CTNNA2: variants seen among roughly 807,000 people sequenced by gnomAD.
CTNNA2 encodes the protein catenin alpha-2.
CTNNA2 carries 42 observed loss-of-function variants against 101.0 expected under a neutral mutation model. That is an observed-to-expected ratio of 0.42 (90% CI 0.32 to 0.54). CTNNA2 has a LOEUF of 0.54. Ranked by LOEUF, CTNNA2 falls within the 20% of genes least tolerant of loss-of-function variation. The pLI is 0.14. For synonymous variants in CTNNA2, 450 were observed against 456.4 expected, an observed-to-expected ratio of 0.99 and a Z score of 0.18; for missense variants, 871 against 1,223.1, an observed-to-expected ratio of 0.71 and a Z score of 4.29.
In CTNNA2 at chr2:79,947,190, CATTT is replaced by C. The variant is rs544179375; in HGVS notation, c.1056+37397_1056+37400del. On this transcript the variant is annotated intron_variant, in intron 7 of 18. Transcript: ENST00000402739. The stretch of plus-strand genomic sequence containing the variant: ...AATAAATTGCAATAATTCAGGAAAA[CATTT>C]ATTATCAATTTCAGTGGAAAATCTG... 1.6e-4 allele frequency among the ~76,000 whole-genome samples: 24 copies of C among 152,162 alleles called. No homozygotes were observed. The East Asian group carries it at 3.9e-3, about 25-fold the overall frequency.
rs774723337 is a variant in CTNNA2, at chr2:79,651,702, T to C, written c.102+44T>C. 2.6e-6 allele frequency: 4 copies of C among 1,516,622 alleles called. No individual in the cohort carries two copies. The East Asian group carries it at 9.0e-5, about 34-fold the overall frequency. The allele number at this position is 1,516,622 out of a possible 1,614,324, so 93.9% of individuals were successfully genotyped here. A position where few individuals can be genotyped will look rare whatever the true frequency, so the allele number is the denominator to read the frequency against. ...CCACTTTGTTATATATGTGTTTCTATTGTGATTATATCCTGACTCTTGGAA... is the reference window on the plus strand; with the variant it reads ...CCACTTTGTTATATATGTGTTTCTACTGTGATTATATCCTGACTCTTGGAA... On this transcript the variant is annotated intron_variant, in intron 2 of 18. Transcript: ENST00000402739.
At chr2:79,890,968 C>T (rs1263865210) in intron 6 of CTNNA2, among the ~76,000 whole-genome samples, 2 of 148,430 alleles carry the variant, frequency 1.3e-5, no homozygotes, top group African/African-American at 5.0e-5. Context: ...AGGGTAGATC[C>T]CTCCAGATAT....
chr2:79,990,429 G>T (rs1265337013), intron 7 of CTNNA2, among the ~76,000 whole-genome samples: 1 of 152,116 alleles, frequency 6.6e-6, no homozygotes, highest in African/African-American at 2.4e-5. Context: ...AGTGGATGAA[G>T]GGAGTCGCAC....
intron 4 of CTNNA2, among the ~76,000 whole-genome samples, chr2:79,423,498 A>C (rs1158240466): frequency 6.6e-6 from 1 of 152,186 alleles, no homozygotes; most frequent in African/African-American, 2.4e-5. Context: ...TACATACACA[A>C]AAAAATCCTG....
In CTNNA2 at chr2:79,285,169, G is replaced by A. The variant is rs372685048; in HGVS notation, c.-405-27540G>A. On this transcript the variant is annotated intron_variant, in intron 2 of 21. Transcript: ENST00000466387. ...TTTTTTCTTTATTAGTCTTGCTAGC[G>A]GTCTATCAATTTTGTTGATCCTTTC... 2.0e-3 allele frequency among the ~76,000 whole-genome samples: 304 copies of A among 150,912 alleles called. 1 individual carries two copies. Among genetic ancestry groups the A allele is most frequent in the Admixed American group, 0.011 (167 of 15,140 alleles).
At chr2:79,627,381 G>T (rs1679388476) in intron 1 of CTNNA2, among the ~76,000 whole-genome samples, 1 of 152,218 alleles carries the variant, frequency 6.6e-6, no homozygotes, top group Admixed American at 6.5e-5. Flanking sequence ...CATGTTCTCA[G>T]AGCTACTTTA....
chr2:80,038,025 A>G (rs1014417773), intron 7 of CTNNA2, among the ~76,000 whole-genome samples: 11 of 151,622 alleles, frequency 7.3e-5, no homozygotes, highest in African/African-American at 2.2e-4. Flanking sequence ...AACTTGTCCT[A>G]TGACATTGAC....
intron 7 of CTNNA2, among the ~76,000 whole-genome samples, chr2:79,948,464 G>A (rs538983549): frequency 2.0e-5 from 3 of 152,294 alleles, no homozygotes; most frequent in African/African-American, 4.8e-5. Context: ...TACCTACCTC[G>A]TAGTTGTGAT....
At position 80,606,916 on chromosome 2, in the gene CTNNA2, G is replaced by A. The variant is rs142773547; in HGVS notation, c.2296-1268G>A. Among the ~76,000 whole-genome samples, 563 of 151,866 alleles carry A rather than the reference G, an allele frequency of 3.7e-3. 3 individuals are homozygous for A. The highest frequency in any genetic ancestry group is 6.8e-3 in the Non-Finnish European group (459 of 67,846). On this transcript the variant is annotated intron_variant, in intron 16 of 18. Coordinates refer to ENST00000402739, the MANE Select transcript of CTNNA2 (RefSeq NM_001282597.3). Reference sequence around the variant, plus strand: ...ATCATTTTAAAGTTAATCCCTTTCCGTGTATGGGTCCCTGGAGTAGGATAA... The same window carrying A: ...ATCATTTTAAAGTTAATCCCTTTCCATGTATGGGTCCCTGGAGTAGGATAA...
At chr2:80,156,972 G>T (rs1221335017) in intron 7 of CTNNA2, among the ~76,000 whole-genome samples, 1 of 152,130 alleles carries the variant, frequency 6.6e-6, no homozygotes, top group Admixed American at 6.5e-5. Flanking sequence ...AGGAGAACTG[G>T]TACTTCTTGC....
chr2:79,883,108 C>T (rs1000354517), intron 6 of CTNNA2, among the ~76,000 whole-genome samples: 4 of 152,268 alleles, frequency 2.6e-5, no homozygotes, highest in Admixed American at 6.5e-5. Context: ...AGCCTCCGAT[C>T]GCCTCTGTTT....
intron 6 of CTNNA2, among the ~76,000 whole-genome samples, chr2:79,876,916 A>G (rs1020266842): frequency 2.0e-5 from 3 of 152,162 alleles, no homozygotes; most frequent in African/African-American, 7.2e-5. Flanking sequence ...TATAACCATC[A>G]AACATGTTTT....
chr2:79,434,292 T>C (rs1258104173), intron 4 of CTNNA2, among the ~76,000 whole-genome samples: 2 of 107,272 alleles, frequency 1.9e-5, no homozygotes, highest in South Asian at 3.8e-4. Context: ...AGAGAGACTC[T>C]GTCAAAAAAA....
At chr2:79,275,440 T>TA (rs1675187302) in intron 2 of CTNNA2, among the ~76,000 whole-genome samples, 1 of 152,054 alleles carries the variant, frequency 6.6e-6, no homozygotes, top group African/African-American at 2.4e-5. Context: ...AATGTGAACT[T>TA]ACACATCTGC....
At chr2:79,963,577 A>ACCCT (rs1452321916) in intron 7 of CTNNA2, among the ~76,000 whole-genome samples, 2 of 152,038 alleles carry the variant, frequency 1.3e-5, no homozygotes, top group Non-Finnish European at 2.9e-5. Context: ...TGCCACCCTT[A>ACCCT]CCCTAGAAGA....
At chr2:79,514,507 C>G (rs1012392766) in intron 1 of CTNNA2, 2 of 152,236 alleles carry the variant, frequency 1.3e-5, no homozygotes, top group African/African-American at 4.8e-5. Context: ...CACTTATTTT[C>G]ACAGAATGCT....
intron 8 of CTNNA2, among the ~76,000 whole-genome samples, chr2:80,406,289 G>A (rs897216339): frequency 1.3e-5 from 2 of 151,556 alleles, no homozygotes; most frequent in Non-Finnish European, 1.5e-5. Flanking sequence ...AGTCGAGATC[G>A]CGCCACTGCA....
intron 4 of CTNNA2, chr2:79,504,969 C>G (rs1380528257): frequency 1.3e-5 from 2 of 152,128 alleles, no homozygotes; most frequent in Non-Finnish European, 2.9e-5. Flanking sequence ...AAGTTATATC[C>G]ATAGGAGACA....
intron 4 of CTNNA2, among the ~76,000 whole-genome samples, chr2:79,415,381 G>A (rs1678466337): frequency 6.6e-6 from 1 of 152,224 alleles, no homozygotes; most frequent in East Asian, 1.9e-4. Flanking sequence ...GAAGAATGAT[G>A]AGCCAATTAA....
Sources: allele counts gnomAD v4.1 joint callset (sites outside exome capture counted in the v4.1 genomes callset), GRCh38; gene constraint gnomAD v4.1.1; transcripts MANE v1.5; gene names NCBI Gene and HGNC (gene_info 2026-07-23, HGNC 2026-07-21).